The following ROBO2 variants were observed in gnomAD, a reference collection of about 807,000 sequenced individuals.
ROBO2 encodes roundabout guidance receptor 2.
ROBO2 carries 53 observed loss-of-function variants against 160.8 expected under a neutral mutation model. The observed-to-expected ratio is 0.33, with a 90% CI of 0.26 to 0.41. ROBO2 has a LOEUF of 0.41. ROBO2 is among the 10% of genes least tolerant of loss of function. ROBO2 has a pLI of 1.00. For missense variants in ROBO2, 1,577 were observed against 1,722.4 expected, an observed-to-expected ratio of 0.92 and a Z score of 1.49; for synonymous variants, 664 against 611.7, an observed-to-expected ratio of 1.09 and a Z score of -1.26.
At chr3:77,390,089 G>C (rs989669516) in intron 2 of ROBO2, among the ~76,000 whole-genome samples, 2 of 152,268 alleles carry the variant, frequency 1.3e-5, no homozygotes, top group South Asian at 4.1e-4. Context: ...GGGTCATTAT[G>C]GGGAAGTGGG....
chr3:76,763,585 T>C (rs2597244), intron 2 of ROBO2, among the ~76,000 whole-genome samples: 126,887 of 151,410 alleles, frequency 0.84, 53,273 homozygotes, highest in Admixed American at 0.86. Context: ...TTTTTTTACA[T>C]GTTTCCTCCT....
intron 2 of ROBO2, among the ~76,000 whole-genome samples, chr3:77,394,265 A>G (rs2075044740): frequency 6.6e-6 from 1 of 152,152 alleles, no homozygotes; most frequent in South Asian, 2.1e-4. Context: ...TGTGAAGACC[A>G]TTTGACCCAT....
At chr3:76,628,933 A>G (rs1397133997) in intron 2 of ROBO2, among the ~76,000 whole-genome samples, 1 of 151,926 alleles carries the variant, frequency 6.6e-6, no homozygotes, top group Non-Finnish European at 1.5e-5. Context: ...TCTATATTCT[A>G]GAAGTTGTAC....
intron 2 of ROBO2, among the ~76,000 whole-genome samples, chr3:76,834,619 A>G (rs939708849): frequency 6.6e-6 from 1 of 151,890 alleles, no homozygotes. Context: ...TGATCTGCCC[A>G]CCTCCCAAAG....
intron 2 of ROBO2, among the ~76,000 whole-genome samples, chr3:77,370,974 T>C (rs1257020241): frequency 1.3e-5 from 2 of 152,150 alleles, no homozygotes; most frequent in East Asian, 3.9e-4. Flanking sequence ...AGTTGTCGTA[T>C]AGTTCGGTCT....
At chr3:76,968,888 G>T (rs140055141) in intron 2 of ROBO2, among the ~76,000 whole-genome samples, 1 of 152,024 alleles carries the variant, frequency 6.6e-6, no homozygotes, top group Non-Finnish European at 1.5e-5. Flanking sequence ...TTCAAGAGTT[G>T]GTATTTCCAA....
chr3:77,560,422 G>A (rs969220206), intron 9 of ROBO2, among the ~76,000 whole-genome samples: 9 of 152,160 alleles, frequency 5.9e-5, no homozygotes, highest in African/African-American at 1.9e-4. Flanking sequence ...AATACCAAGA[G>A]TGAGTTTTAG....
At chr3:76,382,338 C>T (rs576009211) in intron 2 of ROBO2, among the ~76,000 whole-genome samples, 2 of 152,252 alleles carry the variant, frequency 1.3e-5, no homozygotes, top group East Asian at 3.9e-4. Flanking sequence ...CCTGTAATCC[C>T]AGCACTTTGG....
intron 2 of ROBO2, among the ~76,000 whole-genome samples, chr3:77,200,807 G>T (rs1164436126): frequency 6.6e-6 from 1 of 152,152 alleles, no homozygotes; most frequent in African/African-American, 2.4e-5. Flanking sequence ...GGGCTGATAT[G>T]GTTAAGCACA....
At chr3:76,476,842 GA>G (rs11452338) in intron 2 of ROBO2, among the ~76,000 whole-genome samples, 5 of 151,782 alleles carry the variant, frequency 3.3e-5, no homozygotes, top group Non-Finnish European at 5.9e-5. Flanking sequence ...GGAAAAAATG[GA>G]AAAAAAATGA....
intron 2 of ROBO2, among the ~76,000 whole-genome samples, chr3:76,376,088 A>G (rs918302991): frequency 2.6e-5 from 4 of 152,136 alleles, no homozygotes; most frequent in African/African-American, 7.2e-5. Context: ...AATGCAAAGT[A>G]CTTATCATAT....
intron 2 of ROBO2, among the ~76,000 whole-genome samples, chr3:77,372,998 T>G (rs930733827): frequency 6.6e-6 from 1 of 151,158 alleles, no homozygotes; most frequent in African/African-American, 2.4e-5. Flanking sequence ...ACATTTCCAC[T>G]TACTCCACCA....
intron 2 of ROBO2, among the ~76,000 whole-genome samples, chr3:76,656,771 C>T (rs774862140): frequency 6.6e-6 from 1 of 151,612 alleles, no homozygotes; most frequent in Non-Finnish European, 1.5e-5. Context: ...TGCCTCAGGG[C>T]GTTAGAAAAT....
chr3:76,043,202 C>T (rs904010795), intron 2 of ROBO2, among the ~76,000 whole-genome samples: 8 of 150,802 alleles, frequency 5.3e-5, no homozygotes, highest in Admixed American at 3.9e-4. Flanking sequence ...GAATATTTGT[C>T]CATTAACGAA....
chr3:76,396,253 C>G lies in ROBO2; in HGVS notation c.109+458651C>G, dbSNP rs2077441524. ...ATTATCTCAACAGATGAAGAAAAGG[C>G]CTCTCACAAAATTCAACAGCCCCTC... On this transcript the variant is annotated intron_variant, in intron 2 of 26. Coordinates refer to the ROBO2 transcript ENST00000487694. 2.0e-5 allele frequency among the ~76,000 whole-genome samples: 3 copies of G among 152,026 alleles called. No individual in the cohort carries two copies. The South Asian group carries it at 6.2e-4, about 32-fold the overall frequency.
chr3:76,726,367 A>G (rs7653499), intron 2 of ROBO2, among the ~76,000 whole-genome samples: 2,617 of 152,202 alleles, frequency 0.017, 46 homozygotes, highest in African/African-American at 0.049. Context: ...TGATTTTTTT[A>G]GGTATATTGT....
intron 2 of ROBO2, among the ~76,000 whole-genome samples, chr3:76,597,666 GA>G (rs1239932478): frequency 6.6e-6 from 1 of 152,050 alleles, no homozygotes; most frequent in Non-Finnish European, 1.5e-5. Context: ...ATGTAAAAAT[GA>G]TACATTTTCT....
At chr3:76,476,498 T>C (rs995414648) in intron 2 of ROBO2, among the ~76,000 whole-genome samples, 9 of 152,240 alleles carry the variant, frequency 5.9e-5, no homozygotes, top group African/African-American at 2.2e-4. Flanking sequence ...AAAAAAATAA[T>C]GACATCTCCA....
At chr3:77,509,247 G>C (rs957263293) in intron 5 of ROBO2, among the ~76,000 whole-genome samples, 1 of 152,064 alleles carries the variant, frequency 6.6e-6, no homozygotes, top group African/African-American at 2.4e-5. Context: ...AGGTAGGAAG[G>C]AGGGTAGAAA....
Sources: gnomAD v4.1 joint callset for allele counts (sites outside exome capture counted in the v4.1 genomes callset) on GRCh38, gnomAD v4.1.1 for gene constraint, MANE v1.5 for transcripts, NCBI Gene and HGNC (gene_info 2026-07-23, HGNC 2026-07-21) for gene names.